The following DBH variants were observed in gnomAD, a reference collection of about 807,000 sequenced individuals.
DBH encodes the protein dopamine beta-hydroxylase (dopamine beta-monooxygenase).
DBH carries 49 observed loss-of-function variants against 64.0 expected under a neutral mutation model. The observed-to-expected ratio is 0.77, with a 90% CI of 0.61 to 0.97. The LOEUF is 0.97. Among genes scored for constraint, DBH ranks in the 50% least tolerant of loss-of-function variants. The pLI, the probability that DBH is intolerant of heterozygous loss-of-function variation, is 0.00. For synonymous variants in DBH, 343 were observed against 347.1 expected (o/e 0.99, Z 0.13); for missense variants, 828 against 826.6 (o/e 1.00, Z -0.02).
At chr9:133,654,300 C>G (rs7855248) in intron 9 of DBH, among the ~76,000 whole-genome samples, 66,483 of 151,822 alleles carry the variant, frequency 0.44, 14,769 homozygotes, top group East Asian at 0.59. Flanking sequence ...GATGGATTTT[C>G]ACCATGTTGG....
intron 3 of DBH, 30 bp downstream of exon 3, chr9:133,642,494 G>T (rs761971117): frequency 6.3e-7 from 1 of 1,577,784 alleles, no homozygotes; most frequent in Non-Finnish European, 8.6e-7. Context: ...CGAGGTCCTC[G>T]CCCAGCCCTG....
intron 11 of DBH, among the ~76,000 whole-genome samples, chr9:133,657,625 C>T (rs556444544): frequency 3.9e-5 from 6 of 152,234 alleles, no homozygotes; most frequent in East Asian, 1.9e-4. Context: ...GTGAGCAGGG[C>T]GCACTAACCT....
chr9:133,642,147 C>G (rs1288048673), intron 2 of DBH, 60 bp from the exon 3 acceptor site: 19 of 1,603,950 alleles, frequency 1.2e-5, no homozygotes, highest in Non-Finnish European at 1.6e-5. Context: ...GGCATCCTCT[C>G]AGGAGCCCAA....
rs758300733 is a variant in DBH, at chr9:133,647,979, C to T, written c.1158C>T (p.Leu386=). Residue 386 remains leucine, a synonymous_variant, in exon 6 of 12, where the codon CTC becomes CTT. Transcript: ENST00000393056. ...CACCACGGGAGACCGCCTTCATCCT[C>T]ACTGGCTACTGCACGGACAAGTGCA... The part of the protein sequence containing the change: ...AIPPRETAFI[L]TGYCTDKCTQ... 8 of 1,613,524 alleles carry T rather than the reference C, an allele frequency of 5.0e-6. 1 individual carries two copies. In the South Asian group the frequency reaches 8.8e-5, roughly 18 times the overall value.
At chr9:133,646,852 G>A (rs1832187873) in intron 5 of DBH, among the ~76,000 whole-genome samples, 1 of 152,176 alleles carries the variant, frequency 6.6e-6, no homozygotes, top group Non-Finnish European at 1.5e-5. Context: ...TCAGTTTCAT[G>A]TGACCACTGG....
At chr9:133,641,328 G>A (rs1832113862) in intron 2 of DBH, among the ~76,000 whole-genome samples, 1 of 152,184 alleles carries the variant, frequency 6.6e-6, no homozygotes, top group African/African-American at 2.4e-5. Flanking sequence ...AGGTTGTTGA[G>A]CCCTTACCCT....
chr9:133,649,929 C>A (rs971331951), intron 6 of DBH, among the ~76,000 whole-genome samples: 3 of 152,244 alleles, frequency 2.0e-5, no homozygotes, highest in Admixed American at 6.5e-5. Flanking sequence ...AATGTTCAGT[C>A]TTGTCTCTCC....
intron 5 of DBH, among the ~76,000 whole-genome samples, chr9:133,644,683 G>T (rs1237702469): frequency 3.9e-5 from 6 of 152,224 alleles, no homozygotes; most frequent in Non-Finnish European, 8.8e-5. Context: ...AATACAGGGA[G>T]AGGTGTGTGC....
At chr9:133,647,623 T>C (rs1443396819) in intron 5 of DBH, among the ~76,000 whole-genome samples, 1 of 152,224 alleles carries the variant, frequency 6.6e-6, no homozygotes, top group African/African-American at 2.4e-5. Flanking sequence ...CCAGTGAGTG[T>C]AGCCTGTTTG....
At position 133,642,178 on chromosome 9, in the gene DBH, C is replaced by T. The variant is rs201969575; in HGVS notation, c.487-29C>T. 4.2e-3 allele frequency: 6,803 copies of T among 1,610,582 alleles called. 22 individuals carry two copies. Among genetic ancestry groups the T allele is most frequent in the Non-Finnish European group, 5.1e-3 (6,012 of 1,179,846 alleles). Reference sequence around the variant, plus strand: ...CCCAACTCTGGGGGCTCTGAGAGGGCGACCAGCTGAACCCTGTCTCGGCTG... The same window carrying T: ...CCCAACTCTGGGGGCTCTGAGAGGGTGACCAGCTGAACCCTGTCTCGGCTG... On this transcript the variant is annotated intron_variant, in intron 2 of 11. Transcript: ENST00000393056.
intron 1 of DBH, among the ~76,000 whole-genome samples, chr9:133,638,404 C>T (rs1358455434): frequency 6.6e-6 from 1 of 152,178 alleles, no homozygotes; most frequent in Admixed American, 6.5e-5. Flanking sequence ...AGATGTTTTA[C>T]CCTGAATGTA....
chr9:133,645,602 T>G (rs939604095), intron 5 of DBH, among the ~76,000 whole-genome samples: 4 of 152,228 alleles, frequency 2.6e-5, no homozygotes, highest in Non-Finnish European at 5.9e-5. Context: ...TATTATCCTC[T>G]GATGTAATCA....
chr9:133,652,243 C>T lies in DBH; in HGVS notation c.1336-3C>T. The T allele has an allele frequency of 6.2e-7, 1 of 1,613,884 alleles. No homozygotes were observed. Among genetic ancestry groups the T allele is most frequent in the Non-Finnish European group, 8.5e-7 (1 of 1,180,020 alleles). ...CCCCACCCCTCGGCTCTGCCTGCCC[C>T]AGGAGATCCGCATGTTGAAGAAGGT... On this transcript the variant is annotated splice_polypyrimidine_tract_variant and splice_region_variant and intron_variant, in intron 7 of 11. Transcript: ENST00000393056.
chr9:133,640,270 G>A (rs1432433965), intron 2 of DBH, among the ~76,000 whole-genome samples: 1 of 152,220 alleles, frequency 6.6e-6, no homozygotes, highest in Non-Finnish European at 1.5e-5. Flanking sequence ...TTGTGCTGAA[G>A]CCTCTCCCAT....
At chr9:133,642,057 C>T (rs147644100) in intron 2 of DBH, 150 bp from the exon 3 acceptor site, 19,546 of 1,102,362 alleles carry the variant, frequency 0.018, 247 homozygotes, top group African/African-American at 0.034. Flanking sequence ...CAGCCAGGGC[C>T]ATGCAAGCCT....
intron 9 of DBH, among the ~76,000 whole-genome samples, chr9:133,654,417 CAG>C (rs1832289265): frequency 6.6e-6 from 1 of 152,198 alleles, no homozygotes; most frequent in African/African-American, 2.4e-5. Context: ...CATAAAGGCT[CAG>C]AGAGGGCAGG....
rs771179891 is a variant in DBH at position 133,651,721 on chromosome 9, G to A, written c.1279G>A (p.Asp427Asn). The change falls in exon 7 of 12, where the codon GAC becomes AAC. Residue 427 changes from aspartate (D) to asparagine (N), a missense_variant. By Grantham distance (23) the Asp-to-Asn change is conservative (BLOSUM62 1). Coordinates refer to ENST00000393056, the MANE Select transcript of DBH (RefSeq NM_000787.4). ...GRKVVTVLVR[D>N]GREWEIVNQD... ...AAAGGTGGTCACAGTGCTGGTCCGG[G>A]ACGGCCGGGAGTGGGAGATCGTGAA... is the stretch of plus-strand genomic sequence containing the variant. 19 of 1,613,802 alleles carry A rather than the reference G, an allele frequency of 1.2e-5. No homozygotes were observed. Among genetic ancestry groups the A allele is most frequent in the Non-Finnish European group, 1.4e-5 (17 of 1,180,010 alleles).
At position 133,658,702 on chromosome 9, in the gene DBH, G is replaced by T; in HGVS notation, c.*255G>T. 5.2e-6 allele frequency: 2 copies of T among 384,178 alleles called. No individual in the cohort carries two copies. Among genetic ancestry groups the T allele is most frequent in the Non-Finnish European group, 9.3e-6 (2 of 215,968 alleles). The allele number at this position is 384,178 out of a possible 1,614,324, so 23.8% of individuals were successfully genotyped here. ...CCACGACCTCGTCCATTTAAACCCG[G>T]CTGACTCAGTGCAGGGACAGCCTGC... On this transcript the variant is annotated 3_prime_UTR_variant, in exon 12 of 12. Transcript: ENST00000393056.
At chr9:133,646,009 A>G (rs1832176977) in intron 5 of DBH, among the ~76,000 whole-genome samples, 1 of 152,162 alleles carries the variant, frequency 6.6e-6, no homozygotes, top group Non-Finnish European at 1.5e-5. Flanking sequence ...TGGTGAGAAG[A>G]TGGACAGCAG....
Sources: gnomAD v4.1 joint callset for allele counts (sites outside exome capture counted in the v4.1 genomes callset) on GRCh38, gnomAD v4.1.1 for gene constraint, MANE v1.5 for transcripts, NCBI Gene and HGNC (gene_info 2026-07-23, HGNC 2026-07-21) for gene names.